Variants in RDX observed in about 807,000 individuals in gnomAD.
RDX encodes the protein radixin, also known as deafness, autosomal recessive 24.
RDX carries 32 observed loss-of-function variants against 83.7 expected under a neutral mutation model. The observed-to-expected ratio is 0.38, with a 90% confidence interval of 0.29 to 0.51. RDX has a LOEUF of 0.51. Among genes scored for constraint, RDX ranks in the 20% least tolerant of loss-of-function variants. The pLI is 0.87. For synonymous variants in RDX, 229 were observed against 222.7 expected, an observed-to-expected ratio of 1.03 and a Z score of -0.25; for missense variants, 600 against 689.9, an observed-to-expected ratio of 0.87 and a Z score of 1.46.
intron 2 of RDX, 31 bp downstream of exon 2, chr11:110,279,650 G>C (rs768863200): frequency 7.1e-7 from 1 of 1,399,962 alleles, no homozygotes; most frequent in South Asian, 1.2e-5. Flanking sequence ...TTATTATTGA[G>C]ACACTGTCAA....
chr11:110,267,485 C>T (rs1479673171), intron 3 of RDX, among the ~76,000 whole-genome samples: 1 of 149,482 alleles, frequency 6.7e-6, no homozygotes, highest in Admixed American at 6.7e-5. Flanking sequence ...TGCACTCCAG[C>T]CTGGGTGCCA....
chr11:110,214,454 T>C (rs375521034), intron 14 of RDX, among the ~76,000 whole-genome samples: 2 of 138,518 alleles, frequency 1.4e-5, no homozygotes, highest in African/African-American at 2.7e-5. Flanking sequence ...GGATCTAGAA[T>C]TGGAAATACC....
At chr11:110,263,562 G>GA (rs34908137) in intron 5 of RDX, 142 of 151,914 alleles carry the variant, frequency 9.3e-4, no homozygotes, top group South Asian at 3.0e-3. Flanking sequence ...TTAAAATCTG[G>GA]AAAAAAAAAA....
In RDX at chr11:110,266,741, T is replaced by G. The variant is rs574190264; in HGVS notation, c.97-1867A>C. On this transcript the variant is annotated intron_variant, in intron 3 of 13. Coordinates refer to ENST00000645495, the MANE Select transcript of RDX (RefSeq NM_002906.4). ...TTCCACCACACCTAGTTAATGTTTT[T>G]TTTTGTTTTGTTTTGTTTTGTTTTC... is the stretch of plus-strand genomic sequence containing the variant. Among the ~76,000 whole-genome samples, 60 of 152,114 alleles carry G rather than the reference T, an allele frequency of 3.9e-4. No individual in the cohort carries two copies. In the East Asian group the frequency reaches 4.1e-3, roughly 10 times the overall value.
At chr11:110,209,353 C>G in intron 14 of RDX, among the ~76,000 whole-genome samples, 1 of 151,746 alleles carries the variant, frequency 6.6e-6, no homozygotes, top group Non-Finnish European at 1.5e-5. Flanking sequence ...CACGGAGTCT[C>G]GCTGATTGCT....
chr11:110,254,768 C>T (rs1392224668), intron 8 of RDX, among the ~76,000 whole-genome samples: 4 of 152,138 alleles, frequency 2.6e-5, no homozygotes, highest in Non-Finnish European at 5.9e-5. Context: ...TGAACCATTG[C>T]ACCCAGCCTG....
At chr11:110,277,321 TTTTTG>T (rs1482349456) in intron 2 of RDX, among the ~76,000 whole-genome samples, 2 of 152,124 alleles carry the variant, frequency 1.3e-5, no homozygotes, top group Non-Finnish European at 1.5e-5. Context: ...TTGTTGTTAT[TTTTTG>T]TTTTGTTTTT....
chr11:110,183,170 C>G (rs996217371), intron 15 of RDX, among the ~76,000 whole-genome samples: 1 of 152,172 alleles, frequency 6.6e-6, no homozygotes, highest in African/African-American at 2.4e-5. Context: ...ATGGTGGGTA[C>G]AGGGTGCAGC....
At chr11:110,289,831 C>T (rs1861143604) in intron 1 of RDX, among the ~76,000 whole-genome samples, 2 of 150,948 alleles carry the variant, frequency 1.3e-5, no homozygotes, top group South Asian at 4.2e-4. Context: ...TGGTGGTGTG[C>T]ATCTGTAGTC....
chr11:110,184,595 G>T (rs1431774217), intron 15 of RDX, among the ~76,000 whole-genome samples: 1 of 152,178 alleles, frequency 6.6e-6, no homozygotes, highest in African/African-American at 2.4e-5. Flanking sequence ...CCTGAAGGAA[G>T]CCCTGGAGAT....
At chr11:110,176,965 G>A (rs963647716) in intron 15 of RDX, among the ~76,000 whole-genome samples, 1 of 152,200 alleles carries the variant, frequency 6.6e-6, no homozygotes, top group Non-Finnish European at 1.5e-5. Context: ...CCTGCCAAGG[G>A]CCAAGCGCAC....
chr11:110,181,576 T>C (rs1403854421), intron 15 of RDX, among the ~76,000 whole-genome samples: 2 of 152,060 alleles, frequency 1.3e-5, no homozygotes, highest in African/African-American at 4.8e-5. Flanking sequence ...CCTAGAAGAG[T>C]TGGGCAGCAG....
intron 14 of RDX, among the ~76,000 whole-genome samples, chr11:110,219,571 A>G (rs1864175548): frequency 6.6e-6 from 1 of 152,138 alleles, no homozygotes; most frequent in African/African-American, 2.4e-5. Context: ...TGAGGTGGTC[A>G]CATTCTGGAT....
At chr11:110,182,040 G>T (rs1055923736) in intron 15 of RDX, among the ~76,000 whole-genome samples, 1 of 152,162 alleles carries the variant, frequency 6.6e-6, no homozygotes, top group African/African-American at 2.4e-5. Flanking sequence ...GTGCTCCAGG[G>T]CCAGCACAAG....
intron 14 of RDX, among the ~76,000 whole-genome samples, chr11:110,220,044 G>C (rs1199498884): frequency 2.0e-5 from 3 of 152,102 alleles, no homozygotes; most frequent in Non-Finnish European, 4.4e-5. Context: ...TGTACCGGGA[G>C]AAAACCATAA....
intron 1 of RDX, among the ~76,000 whole-genome samples, chr11:110,283,804 A>G (rs772743976): frequency 2.6e-5 from 4 of 152,184 alleles, no homozygotes; most frequent in Non-Finnish European, 5.9e-5. Flanking sequence ...ATAGGTTATA[A>G]TAAAAACAGA....
At chr11:110,179,843 C>A in intron 15 of RDX, 3 of 413,594 alleles carry the variant, frequency 7.3e-6, no homozygotes, top group Non-Finnish European at 9.3e-6. Flanking sequence ...AATGCCTCAG[C>A]CTCTAGGCCT....
intron 1 of RDX, among the ~76,000 whole-genome samples, chr11:110,283,179 A>C (rs1860834823): frequency 6.6e-6 from 1 of 152,106 alleles, no homozygotes; most frequent in Non-Finnish European, 1.5e-5. Context: ...TTGGAGATGG[A>C]GTCTCGCTCT....
downstream of RDX, among the ~76,000 whole-genome samples, chr11:110,226,424 T>A (rs1188139623): frequency 6.6e-6 from 1 of 152,024 alleles, no homozygotes; most frequent in African/African-American, 2.4e-5. Context: ...CTGAGAAACA[T>A]CAAATTTATA....
Sources: gnomAD v4.1 joint callset for allele counts (sites outside exome capture counted in the v4.1 genomes callset) on GRCh38, gnomAD v4.1.1 for gene constraint, MANE v1.5 for transcripts, NCBI Gene and HGNC (gene_info 2026-07-23, HGNC 2026-07-21) for gene names.